NAALADL2: variants seen among roughly 807,000 people sequenced by gnomAD.
NAALADL2 encodes N-acetylated alpha-linked acidic dipeptidase like 2, also known as inactive N-acetylated-alpha-linked acidic dipeptidase-like protein 2.
A neutral mutation model predicts 87.2 loss-of-function variants in NAALADL2; 76 were observed. The ratio of observed to expected loss-of-function variants is 0.87; its 90% CI spans 0.72 to 1.05. The LOEUF is 1.05. NAALADL2 is among the 50% of genes least tolerant of loss of function. The probability of loss-of-function intolerance (pLI) is 0.00; values close to 1 mark genes in which losing one functional copy is unlikely to be tolerated. For missense variants in NAALADL2, 1,089 were observed against 945.8 expected (o/e 1.15, Z -1.99); for synonymous variants, 354 against 331.0 (o/e 1.07, Z -0.75).
chr3:175,204,538 A>G (rs915136106), intron 2 of NAALADL2, among the ~76,000 whole-genome samples: 1 of 152,154 alleles, frequency 6.6e-6, no homozygotes, highest in African/African-American at 2.4e-5. Flanking sequence ...GGACTGAAAC[A>G]AGACAAAGAT....
intron 9 of NAALADL2, among the ~76,000 whole-genome samples, chr3:175,496,834 A>G (rs974719905): frequency 3.9e-5 from 6 of 151,942 alleles, no homozygotes; most frequent in African/African-American, 1.5e-4. Flanking sequence ...TTCTGGGATT[A>G]CAAGCATGAG....
chr3:175,045,747 A>G (rs1754587762), intron 1 of NAALADL2, among the ~76,000 whole-genome samples: 1 of 152,192 alleles, frequency 6.6e-6, no homozygotes, highest in Non-Finnish European at 1.5e-5. Flanking sequence ...CCAAGCTTAG[A>G]GAACTAAAAT....
chr3:174,563,608 C>A (rs982922703), intron 2 of NAALADL2, among the ~76,000 whole-genome samples: 6 of 150,108 alleles, frequency 4.0e-5, no homozygotes, highest in African/African-American at 1.5e-4. Flanking sequence ...TTGTAGTATT[C>A]TTATTATTAT....
chr3:175,061,013 C>T (rs140098956), intron 1 of NAALADL2, among the ~76,000 whole-genome samples: 10,031 of 152,036 alleles, frequency 0.066, 607 homozygotes, highest in African/African-American at 0.16. Context: ...GCCATTGCAC[C>T]TCAGCCTGGG....
At chr3:174,772,875 T>C (rs1373792304) in intron 3 of NAALADL2, among the ~76,000 whole-genome samples, 1 of 152,118 alleles carries the variant, frequency 6.6e-6, no homozygotes, top group Non-Finnish European at 1.5e-5. Context: ...AATCAAACAT[T>C]AGGATGTTGT....
In NAALADL2 at chr3:174,907,538, G is replaced by GCTCAAT. The variant is rs1733124806; in HGVS notation, c.43+48088_43+48089insCTCAAT. The stretch of plus-strand genomic sequence containing the variant: ...TTCTCATGGCTCTGTATACTATAGA[G>GCTCAAT]GAATGTTACAAAAAACATTGAGATT... On this transcript the variant is annotated intron_variant, in intron 1 of 13. Coordinates refer to ENST00000454872, the MANE Select transcript of NAALADL2 (RefSeq NM_207015.3). Among the ~76,000 whole-genome samples the GCTCAAT allele has an allele frequency of 3.9e-5, 6 of 152,112 alleles. No homozygotes were observed. In the South Asian group the frequency reaches 1.0e-3, roughly 26 times the overall value.
chr3:175,803,249 A>C lies in NAALADL2; in HGVS notation c.*46A>C. The C allele has an allele frequency of 7.0e-7, 1 of 1,433,234 alleles. No individual in the cohort carries two copies. The highest frequency in any genetic ancestry group is 9.5e-7 in the Non-Finnish European group (1 of 1,054,298). 88.8% of individuals were successfully genotyped at this position (1,433,234 alleles called of 1,614,324 possible). A position where few individuals can be genotyped will look rare whatever the true frequency, so the allele number is the denominator to read the frequency against. ...AAAGTTTGTTTACAATTCCACAAGC[A>C]AAAGCTCTAATTTAACCAGATTTTC... On this transcript the variant is annotated 3_prime_UTR_variant, in exon 14 of 14. Coordinates refer to ENST00000454872, the MANE Select transcript of NAALADL2 (RefSeq NM_207015.3).
chr3:174,725,326 T>C, intron 2 of NAALADL2, among the ~76,000 whole-genome samples: 1 of 150,550 alleles, frequency 6.6e-6, no homozygotes, highest in East Asian at 1.9e-4. Flanking sequence ...AACATGGTTT[T>C]TTAAACTTAA....
chr3:175,738,882 G>T (rs916083119), intron 12 of NAALADL2, among the ~76,000 whole-genome samples: 1 of 152,060 alleles, frequency 6.6e-6, no homozygotes. Flanking sequence ...ATAAATAAAG[G>T]TCTAAATAGT....
intron 6 of NAALADL2, among the ~76,000 whole-genome samples, chr3:175,461,865 G>A (rs4276193): frequency 0.78 from 118,008 of 151,934 alleles, 46,033 homozygotes; most frequent in East Asian, 0.89. Flanking sequence ...TATGAGCCCA[G>A]TGCTATGACA....
intron 11 of NAALADL2, among the ~76,000 whole-genome samples, chr3:175,706,074 G>A (rs1399424954): frequency 6.6e-6 from 1 of 152,074 alleles, no homozygotes; most frequent in Non-Finnish European, 1.5e-5. Context: ...CTATATGAAT[G>A]ACAAAATAGA....
At chr3:175,698,473 G>GTGTATATATA (rs1553953616) in intron 11 of NAALADL2, among the ~76,000 whole-genome samples, 1 of 82,092 alleles carries the variant, frequency 1.2e-5, no homozygotes, top group African/African-American at 9.4e-5. Flanking sequence ...ATATATGTGT[G>GTGTATATATA]TATATATATT....
chr3:174,668,790 A>G (rs1307520206), intron 2 of NAALADL2, among the ~76,000 whole-genome samples: 1 of 152,156 alleles, frequency 6.6e-6, no homozygotes, highest in African/African-American at 2.4e-5. Flanking sequence ...CATGGTGTAT[A>G]TGTGCCACAT....
intron 3 of NAALADL2, among the ~76,000 whole-genome samples, chr3:174,783,513 T>G (rs1427839343): frequency 6.6e-6 from 1 of 152,178 alleles, no homozygotes; most frequent in African/African-American, 2.4e-5. Context: ...TCCTTTGTAC[T>G]TGATACAATC....
intron 3 of NAALADL2, among the ~76,000 whole-genome samples, chr3:174,739,467 C>T (rs1337542627): frequency 6.6e-6 from 1 of 151,798 alleles, no homozygotes; most frequent in Admixed American, 6.6e-5. Context: ...TCATTTGGGC[C>T]CTTCCATTGT....
chr3:174,662,789 T>C (rs1301151240), intron 2 of NAALADL2, among the ~76,000 whole-genome samples: 2 of 152,216 alleles, frequency 1.3e-5, no homozygotes, highest in Non-Finnish European at 2.9e-5. Context: ...CATATGGCTA[T>C]GTTGGGTATG....
chr3:175,399,151 G>A (rs187442928), intron 5 of NAALADL2, among the ~76,000 whole-genome samples: 13 of 152,014 alleles, frequency 8.6e-5, no homozygotes, highest in Admixed American at 7.9e-4. Flanking sequence ...CTGCTACAAG[G>A]GTTTGTGATA....
At chr3:174,481,713 G>C (rs1016757889) in intron 1 of NAALADL2, among the ~76,000 whole-genome samples, 16 of 152,236 alleles carry the variant, frequency 1.1e-4, no homozygotes, top group Admixed American at 9.8e-4. Context: ...AAGGTACATG[G>C]AACAATGATT....
intron 2 of NAALADL2, among the ~76,000 whole-genome samples, chr3:174,571,226 A>G (rs1208771744): frequency 6.6e-6 from 1 of 152,188 alleles, no homozygotes; most frequent in Non-Finnish European, 1.5e-5. Context: ...TGTTAATATT[A>G]TCTGATTTTA....
Sources: gnomAD v4.1 joint callset for allele counts (sites outside exome capture counted in the v4.1 genomes callset) on GRCh38, gnomAD v4.1.1 for gene constraint, MANE v1.5 for transcripts, NCBI Gene and HGNC (gene_info 2026-07-23, HGNC 2026-07-21) for gene names.